Variants in ZNF639 observed in about 807,000 individuals in gnomAD.
ZNF639 encodes the protein zinc finger protein 639.
In ZNF639, 20 loss-of-function variants were observed where a neutral mutation model predicts 39.8. The observed-to-expected ratio is 0.50, with a 90% CI of 0.35 to 0.73. ZNF639 has a LOEUF of 0.73. Among genes scored for constraint, ZNF639 ranks in the 30% least tolerant of loss-of-function variants. The pLI is 0.00. For synonymous variants in ZNF639, 176 were observed against 189.8 expected (o/e 0.93, Z 0.60); for missense variants, 477 against 566.2 (o/e 0.84, Z 1.60).
At chr3:179,322,886 C>G, upstream of ZNF639, 2 of 985,324 alleles carry the variant, frequency 2.0e-6, no homozygotes, top group African/African-American at 3.5e-5. Flanking sequence ...GGCGCAAGGC[C>G]TCCGGCAGGG....
chr3:179,334,558 T>G lies in ZNF639; in HGVS notation c.*136T>G, dbSNP rs913510685. ...AGTAACTTTTTTAAATTATAAAATT[T>G]TATTGGCATTGCTCCATTTTCTGTA... On this transcript the variant is annotated 3_prime_UTR_variant, in exon 6 of 6. Coordinates refer to ENST00000496856, the MANE Select transcript of ZNF639 (RefSeq NM_001303426.2). The G allele has an allele frequency of 2.0e-5, 11 of 554,420 alleles. No individual in the cohort carries two copies. Among genetic ancestry groups the G allele is most frequent in the Non-Finnish European group, 3.2e-5 (11 of 345,174 alleles). 34.3% of individuals were successfully genotyped at this position (554,420 alleles called of 1,614,324 possible). A position where few individuals can be genotyped will look rare whatever the true frequency, so the allele number is the denominator to read the frequency against.
chr3:179,333,192 A>G (rs1728013817), intron 5 of ZNF639, 69 bp downstream of exon 5: 4 of 1,558,802 alleles, frequency 2.6e-6, no homozygotes, highest in Admixed American at 4.2e-5. Flanking sequence ...TGCATGCAAT[A>G]AATTTTTTTT....
In ZNF639 at chr3:179,336,153, C is replaced by G. The variant is rs1422198503; in HGVS notation, c.*1731C>G. ...TTGGATTAGGGCCCCTCCCAATGTC[C>G]TCCTTTTAACTTAAAGACCTGATCT... On this transcript the variant is annotated 3_prime_UTR_variant, in exon 6 of 6. Transcript: ENST00000496856. 1.3e-5 allele frequency: 2 copies of G among 152,122 alleles called. No homozygotes were observed. The highest frequency in any genetic ancestry group is 2.9e-5 in the Non-Finnish European group (2 of 68,030). 9.4% of individuals were successfully genotyped at this position (152,122 alleles called of 1,614,324 possible). A position where few individuals can be genotyped will look rare whatever the true frequency, so the allele number is the denominator to read the frequency against.
chr3:179,334,041 T>C lies in ZNF639; in HGVS notation c.1077T>C (p.Tyr359=). Residue 359 remains tyrosine, a synonymous_variant, in exon 6 of 6, where the codon TAT becomes TAC. Transcript: ENST00000496856. ...ATAACAATGGTGAACATGGACAGTA[T>C]AGCCTCTTAAGCAAAATTACCTTTG... is the stretch of plus-strand genomic sequence containing the variant. The part of the protein sequence containing the change: ...DKYNNGEHGQ[Y]SLLSKITFDK... 6.2e-7 allele frequency: 1 copy of C among 1,614,048 alleles called. No homozygotes were observed. The highest frequency in any genetic ancestry group is 8.5e-7 in the Non-Finnish European group (1 of 1,179,966).
chr3:179,332,847 G>T (rs1727989259), intron 4 of ZNF639, 142 bp from the exon 5 acceptor site: 2 of 1,207,362 alleles, frequency 1.7e-6, no homozygotes, highest in Non-Finnish European at 2.2e-6. Flanking sequence ...GAGGTATATA[G>T]ATAACTTATC....
At position 179,333,636 on chromosome 3, in the gene ZNF639, C is replaced by A; in HGVS notation, c.672C>A (p.Ile224=). 2 of 1,614,100 alleles carry A rather than the reference C, an allele frequency of 1.2e-6. No homozygotes were observed. The highest frequency in any genetic ancestry group is 1.7e-6 in the Non-Finnish European group (2 of 1,180,022). The change falls in exon 6 of 6, where the codon ATC becomes ATA. Residue 224 remains isoleucine (I), a synonymous_variant. Coordinates refer to ENST00000496856, the MANE Select transcript of ZNF639 (RefSeq NM_001303426.2). ...KYFSDLKQHM[I]LKHKRTDSNV... ...TTTCTGACTTAAAGCAGCATATGAT[C>A]CTGAAGCATAAACGTACTGATTCAA...
upstream of ZNF639, chr3:179,322,929 GGGCCGGTGGTCCCTCCCA>G: frequency 1.0e-6 from 1 of 985,116 alleles, no homozygotes; most frequent in Non-Finnish European, 1.2e-6. Flanking sequence ...CCGGGGCTGC[GGGCCGGTGGTCCCTCCCA>G]GGCCGCGTGT....
In ZNF639 at chr3:179,336,331, C is replaced by CT. The variant is rs147337505; in HGVS notation, c.*1909_*1910insT. On this transcript the variant is annotated 3_prime_UTR_variant, in exon 6 of 6. Coordinates refer to ENST00000496856, the MANE Select transcript of ZNF639 (RefSeq NM_001303426.2). Reference sequence around the variant, plus strand: ...CCTCAAATTTAACAAGCACTGCTAACATTATTTTTTAGGTTTATTGATATA... The same window carrying CT: ...CCTCAAATTTAACAAGCACTGCTAACTATTATTTTTTAGGTTTATTGATATA... The CT allele has an allele frequency of 6.6e-5, 10 of 151,770 alleles. No individual in the cohort carries two copies. Among genetic ancestry groups the CT allele is most frequent in the South Asian group, 2.1e-4 (1 of 4,826 alleles). 9.4% of individuals were successfully genotyped at this position (151,770 alleles called of 1,614,324 possible).
Position 179,335,292 on chromosome 3 carries a change from A to G in ZNF639, c.*870A>G, listed in dbSNP as rs777090646. The G allele has an allele frequency of 2.6e-5, 4 of 152,060 alleles. No individual in the cohort carries two copies. Among genetic ancestry groups the G allele is most frequent in the Admixed American group, 6.6e-5 (1 of 15,266 alleles). The allele number at this position is 152,060 out of a possible 1,614,324, so 9.4% of individuals were successfully genotyped here. ...TTTCTTGTAGAGATGAGATCTCGCTATGTTGCCCAGGCCAGTCTCAAACTC... is the reference window on the plus strand; with the variant it reads ...TTTCTTGTAGAGATGAGATCTCGCTGTGTTGCCCAGGCCAGTCTCAAACTC... On this transcript the variant is annotated 3_prime_UTR_variant, in exon 6 of 6. Transcript: ENST00000496856.
intron 4 of ZNF639, among the ~76,000 whole-genome samples, chr3:179,331,989 C>G (rs1360372671): frequency 6.6e-6 from 1 of 152,084 alleles, no homozygotes; most frequent in African/African-American, 2.4e-5. Context: ...CAGACAAATT[C>G]CATTAGCAAG....
intron 4 of ZNF639, among the ~76,000 whole-genome samples, chr3:179,330,603 G>T (rs1727853389): frequency 6.6e-6 from 1 of 152,216 alleles, no homozygotes; most frequent in Admixed American, 6.5e-5. Context: ...CACTTTAGTT[G>T]GTTAGGAATT....
At chr3:179,326,060 G>A (rs1727575015) in intron 1 of ZNF639, among the ~76,000 whole-genome samples, 1 of 152,034 alleles carries the variant, frequency 6.6e-6, no homozygotes. Context: ...GCCGGGCGCG[G>A]TGCCTCGTGC....
chr3:179,324,988 T>C (rs1008665187), intron 1 of ZNF639: 2 of 152,340 alleles, frequency 1.3e-5, no homozygotes, highest in East Asian at 3.9e-4. Flanking sequence ...TTGTTTACAT[T>C]GTTAGGTGAG....
rs190004467 is a variant in ZNF639, at chr3:179,326,907, G to C, written c.-82-654G>C. Among the ~76,000 whole-genome samples the C allele has an allele frequency of 3.8e-3, 577 of 151,604 alleles. 6 individuals carry two copies. The highest frequency in any genetic ancestry group is 0.014 in the African/African-American group (564 of 41,352). On this transcript the variant is annotated intron_variant, in intron 1 of 5. Transcript: ENST00000496856. ...TGTAACAGTTTAAAGTTTATAATTT[G>C]GGCCAGGCAAGGTGACTCACGCCTG... is the stretch of plus-strand genomic sequence containing the variant.
intron 4 of ZNF639, among the ~76,000 whole-genome samples, chr3:179,332,024 T>C (rs1727945907): frequency 6.6e-6 from 1 of 152,222 alleles, no homozygotes; most frequent in South Asian, 2.1e-4. Flanking sequence ...ACCTGATTAG[T>C]ACTCCTCAAG....
Position 179,338,123 on chromosome 3 carries a change from A to G in ZNF639, c.*3701A>G, listed in dbSNP as rs1320138737. On this transcript the variant is annotated 3_prime_UTR_variant, in exon 6 of 6. Coordinates refer to ENST00000496856, the MANE Select transcript of ZNF639 (RefSeq NM_001303426.2). ...AACAAACCTACCTAAAAAAATTAAC[A>G]CTCCTGGTTTTGTTTTGTTTTTTGT... The G allele has an allele frequency of 6.6e-6, 1 of 151,712 alleles. No homozygotes were observed. The allele number at this position is 151,712 out of a possible 1,614,324, so 9.4% of individuals were successfully genotyped here.
intron 4 of ZNF639, among the ~76,000 whole-genome samples, chr3:179,330,298 G>A (rs1381791213): frequency 6.6e-6 from 1 of 151,976 alleles, no homozygotes; most frequent in Admixed American, 6.6e-5. Flanking sequence ...TGGGGTTAGG[G>A]GGAGACAGTC....
At chr3:179,322,929 G>T, upstream of ZNF639, 9 of 985,116 alleles carry the variant, frequency 9.1e-6, no homozygotes, top group Non-Finnish European at 1.1e-5. Context: ...CCGGGGCTGC[G>T]GGCCGGTGGT....
At position 179,328,589 on chromosome 3, in the gene ZNF639, T is replaced by G. The variant is rs376595977; in HGVS notation, c.58+238T>G. On this transcript the variant is annotated intron_variant, in intron 3 of 5. Transcript: ENST00000496856. Reference sequence around the variant, plus strand: ...TCACAGCTCTATGGGTTATAAATATTTAAAATTAGATAGCCAAGGTTATTT... The same window carrying G: ...TCACAGCTCTATGGGTTATAAATATGTAAAATTAGATAGCCAAGGTTATTT... Among the ~76,000 whole-genome samples, 42 of 152,336 alleles carry G rather than the reference T, an allele frequency of 2.8e-4. No individual in the cohort carries two copies. In the South Asian group the frequency reaches 8.3e-3, roughly 30 times the overall value.
Sources: allele counts gnomAD v4.1 joint callset (sites outside exome capture counted in the v4.1 genomes callset), GRCh38; gene constraint gnomAD v4.1.1; transcripts MANE v1.5; gene names NCBI Gene and HGNC (gene_info 2026-07-23, HGNC 2026-07-21).